The following KIF4A variants were observed in gnomAD, a reference collection of about 807,000 sequenced individuals.
The protein encoded by KIF4A is chromosome-associated kinesin KIF4A.
In KIF4A, 7 loss-of-function variants were observed where a neutral mutation model predicts 105.9. The observed-to-expected ratio is 0.07, with a 90% CI of 0.04 to 0.12. The LOEUF (loss-of-function observed/expected upper bound fraction) is 0.12, where lower values mean the gene tolerates loss of function less well. Ranked by LOEUF, KIF4A falls within the 10% of genes least tolerant of loss-of-function variation. KIF4A has a pLI of 1.00. For synonymous variants in KIF4A, 281 were observed against 331.3 expected (o/e 0.85, Z 1.65); for missense variants, 558 against 929.2 (o/e 0.60, Z 5.19).
At chrX:70,404,637 C>A in intron 24 of KIF4A, 78 bp from the exon 25 acceptor site, 1 of 609,550 alleles carries the variant, frequency 1.6e-6, no homozygotes, top group Non-Finnish European at 2.6e-6. Flanking sequence ...TCACCTGGAT[C>A]ACTGCTTGAA....
At chrX:70,415,097 C>T (rs2147743574) in intron 28 of KIF4A, among the ~76,000 whole-genome samples, 1 of 111,718 alleles carries the variant, frequency 9.0e-6, no homozygotes, top group South Asian at 3.7e-4. Flanking sequence ...AATGGAAAGC[C>T]CTTATAGCAG....
intron 15 of KIF4A, among the ~76,000 whole-genome samples, chrX:70,364,439 A>G (rs1417706078): frequency 9.2e-6 from 1 of 108,408 alleles, no homozygotes; most frequent in African/African-American, 3.3e-5. Flanking sequence ...GAAGGGATCC[A>G]GTTTCAGCTT....
At chrX:70,320,902 T>C (rs1391712627) in intron 7 of KIF4A, among the ~76,000 whole-genome samples, 2 of 112,058 alleles carry the variant, frequency 1.8e-5, no homozygotes, top group South Asian at 3.7e-4. Flanking sequence ...GACTTGATCA[T>C]TACAATTTCT....
At chrX:70,379,345 C>A (rs929086562) in intron 18 of KIF4A, among the ~76,000 whole-genome samples, 2 of 111,283 alleles carry the variant, frequency 1.8e-5, no homozygotes, top group Non-Finnish European at 3.8e-5. Context: ...CCTGGAAAGA[C>A]AAAAACTACC....
At chrX:70,403,325 G>A (rs2086288971) in intron 23 of KIF4A, among the ~76,000 whole-genome samples, 1 of 112,295 alleles carries the variant, frequency 8.9e-6, no homozygotes, top group Non-Finnish European at 1.9e-5. Context: ...GATCAGTCTT[G>A]TGAACACTGG....
At chrX:70,295,975 A>T (rs2085781348) in intron 3 of KIF4A, among the ~76,000 whole-genome samples, 1 of 109,453 alleles carries the variant, frequency 9.1e-6, no homozygotes, top group African/African-American at 3.3e-5. Flanking sequence ...AATAATTAAT[A>T]ATTTATATAC....
intron 24 of KIF4A, 117 bp downstream of exon 24, chrX:70,404,151 A>G: frequency 1.2e-6 from 1 of 824,709 alleles, no homozygotes; most frequent in Non-Finnish European, 1.7e-6. Flanking sequence ...GGCCTTTTCT[A>G]AATTTTGCAA....
intron 20 of KIF4A, among the ~76,000 whole-genome samples, chrX:70,390,937 G>T (rs759102554): frequency 8.9e-6 from 1 of 112,021 alleles, no homozygotes; most frequent in African/African-American, 3.2e-5. Context: ...TGTAGTTTGC[G>T]TGTTTTTGTT....
intron 15 of KIF4A, among the ~76,000 whole-genome samples, chrX:70,362,013 C>T (rs2086077862): frequency 8.9e-6 from 1 of 112,177 alleles, no homozygotes. Context: ...AGGCGGACCT[C>T]CTCTGTAGAG....
At chrX:70,311,886 T>G (rs2147665923) in intron 7 of KIF4A, among the ~76,000 whole-genome samples, 1 of 107,491 alleles carries the variant, frequency 9.3e-6, no homozygotes, top group South Asian at 4.1e-4. Context: ...CCCAGGAGTT[T>G]GAGACTGTGG....
At chrX:70,368,665 G>T (rs984186537) in intron 15 of KIF4A, among the ~76,000 whole-genome samples, 3 of 112,000 alleles carry the variant, frequency 2.7e-5, no homozygotes, top group African/African-American at 6.5e-5. Flanking sequence ...CCCTCCTGGG[G>T]GGTGCCTCCC....
At chrX:70,293,786 C>T (rs867831684) in intron 3 of KIF4A, among the ~76,000 whole-genome samples, 101 of 111,776 alleles carry the variant, frequency 9.0e-4, no homozygotes, top group African/African-American at 3.0e-3. Flanking sequence ...GGGCAATTAC[C>T]GTGAATGGAG....
At chrX:70,299,484 T>C (rs1405753562) in intron 5 of KIF4A, among the ~76,000 whole-genome samples, 1 of 111,425 alleles carries the variant, frequency 9.0e-6, no homozygotes, top group East Asian at 2.8e-4. Flanking sequence ...AGCAGTCCAG[T>C]ATGTTAGCCA....
chrX:70,290,834 C>T (rs769609385), intron 3 of KIF4A, 29 bp downstream of exon 3: 7 of 983,974 alleles, frequency 7.1e-6, no homozygotes, highest in Non-Finnish European at 1.0e-5. Context: ...TCGAACGTAA[C>T]ATATATATTC....
intron 9 of KIF4A, among the ~76,000 whole-genome samples, chrX:70,331,185 G>A (rs1026608808): frequency 1.8e-5 from 2 of 110,943 alleles, no homozygotes; most frequent in Admixed American, 1.9e-4. Context: ...TTTTGTGAGG[G>A]TTAAATGAGT....
intron 7 of KIF4A, among the ~76,000 whole-genome samples, chrX:70,305,559 T>C (rs1451180380): frequency 8.9e-6 from 1 of 112,654 alleles, no homozygotes; most frequent in Non-Finnish European, 1.9e-5. Context: ...AATCTTCCAT[T>C]GTATGGAAAT....
chrX:70,308,937 TAA>T (rs967136940), intron 7 of KIF4A, among the ~76,000 whole-genome samples: 1 of 112,356 alleles, frequency 8.9e-6, no homozygotes, highest in African/African-American at 3.2e-5. Flanking sequence ...CCCGTGTATA[TAA>T]GTCTACTTCA....
At chrX:70,298,390 C>T (rs964692648) in intron 4 of KIF4A, among the ~76,000 whole-genome samples, 2 of 109,161 alleles carry the variant, frequency 1.8e-5, no homozygotes, top group Admixed American at 9.8e-5. Flanking sequence ...TGTGCCACTT[C>T]GCCTGGCTAA....
Position 70,333,684 on chromosome X carries a change from T to A in KIF4A, c.1128T>A (p.Ser376=). The change falls in exon 10 of 31, where the codon TCT becomes TCA. Residue 376 remains serine (S), a synonymous_variant. Coordinates refer to ENST00000374403, the MANE Select transcript of KIF4A (RefSeq NM_012310.5). The part of the protein sequence containing the change: ...LQAHGGTLPG[S]ITVEPSENLQ... ...CCCATGGAGGTACCCTGCCTGGATC[T>A]ATAACGTAAGAGTCATAGATTAATT... The A allele has an allele frequency of 8.6e-7, 1 of 1,160,989 alleles. No individual in the cohort carries two copies.
Sources: allele counts gnomAD v4.1 joint callset (sites outside exome capture counted in the v4.1 genomes callset), GRCh38; gene constraint gnomAD v4.1.1; transcripts MANE v1.5; gene names NCBI Gene and HGNC (gene_info 2026-07-23, HGNC 2026-07-21).